The following NPHP3 variants were observed in gnomAD, a reference collection of about 807,000 sequenced individuals.
NPHP3 encodes the protein nephrocystin-3.
A neutral mutation model predicts 171.9 loss-of-function variants in NPHP3; 123 were observed. The observed-to-expected ratio is 0.72, with a 90% CI of 0.62 to 0.83. NPHP3 has a LOEUF of 0.83. Among genes scored for constraint, NPHP3 ranks in the 40% least tolerant of loss-of-function variants. The pLI, the probability that NPHP3 is intolerant of heterozygous loss-of-function variation, is 0.00. For synonymous variants in NPHP3, 558 were observed against 579.2 expected (o/e 0.96, Z 0.52); for missense variants, 1,506 against 1,591.9 (o/e 0.95, Z 0.92).
chr3:132,721,873 C>A, intron 1 of NPHP3, 90 bp downstream of exon 1: 1 of 1,503,106 alleles, frequency 6.7e-7, no homozygotes, highest in Non-Finnish European at 9.0e-7. Flanking sequence ...CAGTTTCCGC[C>A]GAACTTTCAA....
intron 17 of NPHP3, 42 bp from the exon 18 acceptor site, chr3:132,691,328 A>C (rs368873991): frequency 7.4e-7 from 1 of 1,344,496 alleles, no homozygotes; most frequent in South Asian, 1.2e-5. Flanking sequence ...ATTTCACGTA[A>C]GTCACTGTAC....
intron 7 of NPHP3, 94 bp downstream of exon 7, chr3:132,708,007 C>T (rs990633957): frequency 8.3e-7 from 1 of 1,209,182 alleles, no homozygotes; most frequent in Non-Finnish European, 1.2e-6. Context: ...TCTCTCCCCT[C>T]CCCAGATATG....
At chr3:132,687,432 A>G (rs1342315003) in intron 21 of NPHP3, among the ~76,000 whole-genome samples, 3 of 152,214 alleles carry the variant, frequency 2.0e-5, no homozygotes, top group Non-Finnish European at 2.9e-5. Flanking sequence ...ATCTTAGTCT[A>G]TCATGGATGT....
At chr3:132,720,903 C>A (rs1940194218) in intron 1 of NPHP3, among the ~76,000 whole-genome samples, 1 of 149,548 alleles carries the variant, frequency 6.7e-6, no homozygotes, top group African/African-American at 2.5e-5. Context: ...CACAGAAAAG[C>A]AACCTCTTGC....
intron 1 of NPHP3, 43 bp downstream of exon 1, chr3:132,721,920 C>A (rs776186448): frequency 1.2e-5 from 20 of 1,604,522 alleles, no homozygotes; most frequent in Non-Finnish European, 1.5e-5. Flanking sequence ...GACGGCCGTG[C>A]TTCCCAAGGG....
intron 1 of NPHP3, among the ~76,000 whole-genome samples, chr3:132,720,967 G>T (rs1268419364): frequency 6.6e-6 from 1 of 151,928 alleles, no homozygotes; most frequent in Non-Finnish European, 1.5e-5. Flanking sequence ...ACCCAAGCTG[G>T]AGTGCAATGG....
chr3:132,684,842 T>G (rs1490966025), intron 23 of NPHP3, 48 bp from the exon 24 acceptor site: 1 of 1,602,728 alleles, frequency 6.2e-7, no homozygotes, highest in Non-Finnish European at 8.5e-7. Flanking sequence ...TTTCTAGAGT[T>G]TGGAATCCTG....
intron 6 of NPHP3, among the ~76,000 whole-genome samples, chr3:132,709,381 C>G (rs559577374): frequency 6.9e-6 from 1 of 144,064 alleles, no homozygotes; most frequent in Non-Finnish European, 1.5e-5. Flanking sequence ...CTCCTGGGCT[C>G]AAGCGATCCT....
At chr3:132,705,377 G>A (rs921645559) in intron 8 of NPHP3, among the ~76,000 whole-genome samples, 4 of 152,096 alleles carry the variant, frequency 2.6e-5, no homozygotes, top group African/African-American at 7.2e-5. Context: ...AACATGGGGG[G>A]AAAACCTGAG....
intron 13 of NPHP3, among the ~76,000 whole-genome samples, chr3:132,697,980 C>T (rs1047913119): frequency 1.3e-5 from 2 of 151,592 alleles, no homozygotes; most frequent in African/African-American, 4.8e-5. Flanking sequence ...GATCCAATTG[C>T]TCTACTTTTT....
At chr3:132,719,499 C>A (rs572468613) in intron 2 of NPHP3, among the ~76,000 whole-genome samples, 1 of 152,268 alleles carries the variant, frequency 6.6e-6, no homozygotes, top group African/African-American at 2.4e-5. Context: ...TTAAAATGTT[C>A]ACTTTCATAC....
chr3:132,685,104 A>G (rs1939122511), intron 23 of NPHP3: 1 of 306,090 alleles, frequency 3.3e-6, no homozygotes, highest in Non-Finnish European at 6.3e-6. Flanking sequence ...CCAATAAAAG[A>G]TTTTTGTATT....
intron 10 of NPHP3, 24 bp from the exon 11 acceptor site, chr3:132,700,472 T>C (rs764721534): frequency 1.4e-6 from 2 of 1,400,808 alleles, no homozygotes; most frequent in Non-Finnish European, 2.0e-6. Context: ...ACAGAACTTT[T>C]ATAAAACCGA....
intron 4 of NPHP3, 138 bp from the exon 5 acceptor site, chr3:132,715,356 AAT>A: frequency 1.4e-6 from 1 of 701,114 alleles, no homozygotes; most frequent in East Asian, 2.7e-5. Flanking sequence ...CTTCTAGAGT[AAT>A]ATATTCAAAG....
rs1475596719 is a variant in NPHP3 at position 132,689,054 on chromosome 3, C to A, written c.2883+20G>T. 2.5e-6 allele frequency: 4 copies of A among 1,613,864 alleles called. No homozygotes were observed. Among genetic ancestry groups the A allele is most frequent in the Non-Finnish European group, 3.4e-6 (4 of 1,179,882 alleles). ...AAAATCCCACCTGTCTCTGGCTTGCCATTGATCTGCTGAGCTTACCTGACT... is the reference window on the plus strand; with the variant it reads ...AAAATCCCACCTGTCTCTGGCTTGCAATTGATCTGCTGAGCTTACCTGACT... On this transcript the variant is annotated intron_variant, in intron 20 of 26. Coordinates refer to ENST00000337331, the MANE Select transcript of NPHP3 (RefSeq NM_153240.5).
In NPHP3 at chr3:132,691,268, A is replaced by G. The variant is rs2107970135; in HGVS notation, c.2494T>C (p.Leu832=). ...ACAGTGGGGCCTTCCAGGTACTCCA[A>G]TCTCACTGTTTCCCAAGCCTAGGGA... The part of the protein sequence containing the change: ...QHLQAWETVR[L]EYLEGPTVTS... Residue 832 remains leucine (L), a synonymous_variant, in exon 18 of 27, where the codon TTG becomes CTG. Coordinates refer to ENST00000337331, the MANE Select transcript of NPHP3 (RefSeq NM_153240.5). 1 of 1,612,896 alleles carries G rather than the reference A, an allele frequency of 6.2e-7. No individual in the cohort carries two copies.
At chr3:132,690,507 A>T in intron 19 of NPHP3, 21 bp downstream of exon 19, 1 of 1,606,016 alleles carries the variant, frequency 6.2e-7, no homozygotes, top group Non-Finnish European at 8.5e-7. Context: ...CTGGGGAAAG[A>T]TGTTCTATAA....
chr3:132,701,530 A>T lies in NPHP3; in HGVS notation c.1528T>A (p.Tyr510Asn). ...GCCACTAGATCATTAAGGCGTTGGT[A>T]ATACTAGAAAAAAAAATGAATTTAC... ...SAHELGFEKY[Y>N]QRLNDLVAAP... The change falls in exon 10 of 27, where the codon TAC becomes AAC. Residue 510 changes from tyrosine (Y) to asparagine (N), a missense_variant. Physicochemically the swap from Tyr to Asn is moderately radical, Grantham distance 143. Coordinates refer to ENST00000337331, the MANE Select transcript of NPHP3 (RefSeq NM_153240.5). 2 of 1,605,436 alleles carry T rather than the reference A, an allele frequency of 1.2e-6. No homozygotes were observed. The highest frequency in any genetic ancestry group is 1.7e-6 in the Non-Finnish European group (2 of 1,172,158).
chr3:132,692,184 G>C (rs1362985243), intron 17 of NPHP3, among the ~76,000 whole-genome samples: 1 of 152,080 alleles, frequency 6.6e-6, no homozygotes, highest in Non-Finnish European at 1.5e-5. Flanking sequence ...ATACCATATA[G>C]CCTCCATGTG....
Sources: gnomAD v4.1 joint callset for allele counts (sites outside exome capture counted in the v4.1 genomes callset) on GRCh38, gnomAD v4.1.1 for gene constraint, MANE v1.5 for transcripts, NCBI Gene and HGNC (gene_info 2026-07-23, HGNC 2026-07-21) for gene names.